The following RYR2 variants were observed in gnomAD, a reference collection of about 807,000 sequenced individuals.
RYR2 encodes ryanodine receptor 2.
In RYR2, 227 loss-of-function variants were observed where a neutral mutation model predicts 601.1. That is an observed-to-expected ratio of 0.38 (90% CI 0.34 to 0.42). The LOEUF is 0.42. Ranked by LOEUF, RYR2 falls within the 10% of genes least tolerant of loss-of-function variation. The probability of loss-of-function intolerance (pLI) is 1.00; values close to 1 mark genes in which losing one functional copy is unlikely to be tolerated. For missense variants in RYR2, 4,646 were observed against 6,156.5 expected (o/e 0.75, Z 8.21); for synonymous variants, 2,223 against 2,175.1 (o/e 1.02, Z -0.61).
intron 17 of RYR2, among the ~76,000 whole-genome samples, chr1:237,484,102 C>A (rs1169008150): frequency 6.6e-6 from 1 of 152,124 alleles, no homozygotes; most frequent in South Asian, 2.1e-4. Context: ...CTAGCTTAGA[C>A]GAAAGGGTTT....
Position 237,325,763 on chromosome 1 carries a change from A to C in RYR2, c.169-5115A>C, listed in dbSNP as rs1171077558. On this transcript the variant is annotated intron_variant, in intron 2 of 104. Coordinates refer to ENST00000366574, the MANE Select transcript of RYR2 (RefSeq NM_001035.3). ...CTGGAAATATGCACACTATAAAGGGAAAGTGAGTATAATTAAATTTGGAAA... is the reference window on the plus strand; with the variant it reads ...CTGGAAATATGCACACTATAAAGGGCAAGTGAGTATAATTAAATTTGGAAA... 3.3e-5 allele frequency among the ~76,000 whole-genome samples: 5 copies of C among 152,144 alleles called. No homozygotes were observed. In the East Asian group the frequency reaches 9.6e-4, roughly 29 times the overall value.
chr1:237,565,215 CTTTCTTTCTTTT>C (rs1671931225), intron 27 of RYR2, among the ~76,000 whole-genome samples: 3 of 101,656 alleles, frequency 3.0e-5, no homozygotes, highest in Non-Finnish European at 6.1e-5. Context: ...TTCTTTCTTT[CTTTCTTTCTTTT>C]GTCTTTCTTT....
chr1:237,809,994 T>A (rs987596939), intron 100 of RYR2, among the ~76,000 whole-genome samples: 2 of 145,344 alleles, frequency 1.4e-5, no homozygotes, highest in African/African-American at 4.9e-5. Context: ...GATGCCAACC[T>A]TGCTTTTTAA....
chr1:237,465,376 A>G (rs1659957607), intron 16 of RYR2, among the ~76,000 whole-genome samples: 1 of 152,146 alleles, frequency 6.6e-6, no homozygotes, highest in African/African-American at 2.4e-5. Flanking sequence ...AACTTATATA[A>G]TATTTTTGGA....
chr1:237,231,232 A>G (rs1265803403), intron 1 of RYR2, among the ~76,000 whole-genome samples: 1 of 152,078 alleles, frequency 6.6e-6, no homozygotes, highest in African/African-American at 2.4e-5. Flanking sequence ...GGGTGAAATG[A>G]ATGCTTTTTA....
chr1:237,588,819 C>G (rs140928914), intron 29 of RYR2, among the ~76,000 whole-genome samples: 1 of 125,960 alleles, frequency 7.9e-6, no homozygotes, highest in South Asian at 2.9e-4. Context: ...GGTGACAGAA[C>G]GAGACTCCGT....
chr1:237,706,879 C>T, intron 67 of RYR2, 70 bp from the exon 68 acceptor site: 5 of 1,311,420 alleles, frequency 3.8e-6, no homozygotes, highest in Non-Finnish European at 5.4e-6. Context: ...AAATAGTTGC[C>T]TGTGGAAATC....
At chr1:237,546,052 C>T (rs1172403738) in intron 25 of RYR2, among the ~76,000 whole-genome samples, 2 of 151,146 alleles carry the variant, frequency 1.3e-5, no homozygotes, top group Non-Finnish European at 2.9e-5. Flanking sequence ...CTTATATCTT[C>T]AGCTGTGATT....
intron 1 of RYR2, among the ~76,000 whole-genome samples, chr1:237,146,101 T>C (rs893079639): frequency 1.3e-5 from 2 of 152,238 alleles, no homozygotes; most frequent in Non-Finnish European, 2.9e-5. Flanking sequence ...AAATTTGATA[T>C]GTGGTGTTGT....
intron 63 of RYR2, among the ~76,000 whole-genome samples, chr1:237,692,868 C>T (rs12032174): frequency 0.63 from 95,397 of 152,040 alleles, 30,075 homozygotes; most frequent in Middle Eastern, 0.72. Flanking sequence ...GATGGTATGC[C>T]TACCAGATTA....
intron 43 of RYR2, among the ~76,000 whole-genome samples, chr1:237,634,198 A>G (rs1680629896): frequency 6.6e-6 from 1 of 152,214 alleles, no homozygotes; most frequent in Admixed American, 6.5e-5. Context: ...TAGCTGAGAT[A>G]TGGAATCAAC....
chr1:237,676,756 A>G (rs1685435160), intron 60 of RYR2, among the ~76,000 whole-genome samples: 1 of 152,140 alleles, frequency 6.6e-6, no homozygotes, highest in South Asian at 2.1e-4. Context: ...AAATATGCAT[A>G]TGCCTTTTTC....
At chr1:237,756,192 G>A in intron 80 of RYR2, 96 bp from the exon 81 acceptor site, 2 of 738,288 alleles carry the variant, frequency 2.7e-6, no homozygotes, top group Admixed American at 2.0e-5. Context: ...TGTTGTCATA[G>A]AGCCCATACA....
chr1:237,563,735 G>GT (rs397804397), intron 27 of RYR2, among the ~76,000 whole-genome samples: 1 of 151,280 alleles, frequency 6.6e-6, no homozygotes, highest in Non-Finnish European at 1.5e-5. Context: ...GGCTTTTGGG[G>GT]AAATTATTAC....
At position 237,705,236 on chromosome 1, in the gene RYR2, G is replaced by A. The variant is rs1223576367; in HGVS notation, c.9473G>A (p.Cys3158Tyr). ...AGGCAACGTTCTGCATTAGGAGAAT[G>A]TCTAGCTGCCTTTGCTGGTGCTTTT... is the stretch of plus-strand genomic sequence containing the variant. The part of the protein sequence containing the change: ...VERQRSALGE[C>Y]LAAFAGAFPV... The change falls in exon 67 of 105, where the codon TGT (cysteine) becomes TAT (tyrosine). Residue 3158 changes from cysteine to tyrosine, a missense_variant. Around this residue, in one of 17 missense-constraint regions of RYR2, gnomAD observed 1,497 missense variants for 1,842.6 expected, o/e 0.81. Coordinates refer to ENST00000366574, the MANE Select transcript of RYR2 (RefSeq NM_001035.3). 6.2e-7 allele frequency: 1 copy of A among 1,608,168 alleles called. No individual in the cohort carries two copies. Among genetic ancestry groups the A allele is most frequent in the South Asian group, 1.1e-5 (1 of 89,874 alleles).
chr1:237,105,574 G>A (rs528781475), intron 1 of RYR2, among the ~76,000 whole-genome samples: 1 of 152,086 alleles, frequency 6.6e-6, no homozygotes, highest in Non-Finnish European at 1.5e-5. Context: ...GCTCATGCCT[G>A]TAATCCCAGC....
chr1:237,437,114 G>A (rs1041764915), intron 12 of RYR2, among the ~76,000 whole-genome samples: 7 of 151,212 alleles, frequency 4.6e-5, no homozygotes, highest in South Asian at 2.1e-4. Flanking sequence ...GCGCAATCTC[G>A]GCTCACTGCA....
intron 2 of RYR2, among the ~76,000 whole-genome samples, chr1:237,319,657 G>C (rs1358980368): frequency 6.6e-6 from 1 of 152,134 alleles, no homozygotes; most frequent in Non-Finnish European, 1.5e-5. Context: ...CAGAGATTGT[G>C]CTCAGACACT....
chr1:237,811,657 G>A (rs942378058), intron 100 of RYR2, among the ~76,000 whole-genome samples: 21 of 152,132 alleles, frequency 1.4e-4, no homozygotes, highest in African/African-American at 1.2e-4. Context: ...TTAAATTTTC[G>A]AAGGCTTGGA....
Sources: allele counts gnomAD v4.1 joint callset (sites outside exome capture counted in the v4.1 genomes callset), GRCh38; gene constraint gnomAD v4.1.1; regional missense constraint gnomAD v4.1.1; transcripts MANE v1.5; gene names NCBI Gene and HGNC (gene_info 2026-07-23, HGNC 2026-07-21).